The following AEBP2 variants were observed in gnomAD, a reference collection of about 807,000 sequenced individuals.
The protein encoded by AEBP2 is zinc finger protein AEBP2.
A neutral mutation model predicts 50.8 loss-of-function variants in AEBP2; 10 were observed. The observed-to-expected ratio is 0.20, with a 90% CI of 0.12 to 0.33. The LOEUF is 0.33. AEBP2 is among the 10% of genes least tolerant of loss of function. The probability of loss-of-function intolerance (pLI) is 1.00; values close to 1 mark genes in which losing one functional copy is unlikely to be tolerated. For synonymous variants in AEBP2, 296 were observed against 261.3 expected, an observed-to-expected ratio of 1.13 and a Z score of -1.28; for missense variants, 570 against 688.0, an observed-to-expected ratio of 0.83 and a Z score of 1.92.
rs577774181 is a variant in AEBP2 at position 19,469,056 on chromosome 12, C to T, written c.880-4192C>T. Among the ~76,000 whole-genome samples, 6 of 152,306 alleles carry T rather than the reference C, an allele frequency of 3.9e-5. No homozygotes were observed. In the South Asian group the frequency reaches 1.2e-3, roughly 32 times the overall value. ...CCTCCTCCCTCAGCCTCCCAAGTAG[C>T]TGGGATTACAGGCGTGTGTCATCAC... On this transcript the variant is annotated intron_variant, in intron 2 of 7. Transcript: ENST00000266508.
At chr12:19,512,114 T>C (rs1949241590) in intron 5 of AEBP2, among the ~76,000 whole-genome samples, 2 of 152,008 alleles carry the variant, frequency 1.3e-5, no homozygotes, top group African/African-American at 2.4e-5. Context: ...CGCCACCTCC[T>C]GGGTTCAAGT....
At chr12:19,427,194 T>C (rs1388321965) in intron 1 of AEBP2, among the ~76,000 whole-genome samples, 1 of 152,010 alleles carries the variant, frequency 6.6e-6, no homozygotes, top group East Asian at 1.9e-4. Flanking sequence ...CTTGCCAACA[T>C]GGTGAAACCC....
intron 5 of AEBP2, among the ~76,000 whole-genome samples, chr12:19,508,563 T>G (rs1949187917): frequency 6.6e-6 from 1 of 152,244 alleles, no homozygotes; most frequent in Admixed American, 6.5e-5. Flanking sequence ...TTGACGTTAT[T>G]GTTTTGCCTG....
intron 1 of AEBP2, among the ~76,000 whole-genome samples, chr12:19,457,813 C>A (rs1376888866): frequency 6.6e-6 from 1 of 152,120 alleles, no homozygotes; most frequent in African/African-American, 2.4e-5. Context: ...CAGGACCTAC[C>A]CTAAACCTGC....
intron 7 of AEBP2, among the ~76,000 whole-genome samples, chr12:19,516,984 G>T (rs1042661757): frequency 2.6e-5 from 4 of 152,100 alleles, no homozygotes; most frequent in African/African-American, 7.2e-5. Flanking sequence ...CCGAGATCAC[G>T]TCCTACACTC....
chr12:19,464,942 AC>A (rs1164622397), intron 2 of AEBP2, among the ~76,000 whole-genome samples: 2 of 152,060 alleles, frequency 1.3e-5, no homozygotes, highest in Non-Finnish European at 2.9e-5. Context: ...GTAATTATAT[AC>A]CTGTACCTTA....
chr12:19,464,260 G>A (rs1480740985), intron 2 of AEBP2, among the ~76,000 whole-genome samples: 1 of 152,168 alleles, frequency 6.6e-6, no homozygotes, highest in Non-Finnish European at 1.5e-5. Flanking sequence ...AAGTATCTTA[G>A]CAAGTTGGTT....
At chr12:19,497,328 GTTTTTTTTTTT>G (rs34011915) in intron 4 of AEBP2, among the ~76,000 whole-genome samples, 2 of 78,710 alleles carry the variant, frequency 2.5e-5, no homozygotes, top group Non-Finnish European at 4.4e-5. Context: ...TTCCAAAGGT[GTTTTTTTTTTT>G]TTTTTTTTTT....
chr12:19,438,901 A>G (rs1037171244), upstream of AEBP2, among the ~76,000 whole-genome samples: 1 of 152,220 alleles, frequency 6.6e-6, no homozygotes, highest in Non-Finnish European at 1.5e-5. Context: ...GACAGATGAA[A>G]TATTTATAAG....
At chr12:19,435,954 G>A (rs534048690), upstream of AEBP2, among the ~76,000 whole-genome samples, 2 of 152,116 alleles carry the variant, frequency 1.3e-5, no homozygotes, top group Non-Finnish European at 1.5e-5. Context: ...ACAGCGACTC[G>A]CATCGTGAAT....
chr12:19,457,933 T>G (rs189055669), intron 1 of AEBP2, among the ~76,000 whole-genome samples: 1 of 152,306 alleles, frequency 6.6e-6, no homozygotes, highest in East Asian at 1.9e-4. Flanking sequence ...ATCTGCATAG[T>G]GTGAGTGTAT....
At chr12:19,504,231 G>A (rs1949122869) in intron 5 of AEBP2, among the ~76,000 whole-genome samples, 1 of 150,284 alleles carries the variant, frequency 6.7e-6, no homozygotes, top group Non-Finnish European at 1.5e-5. Flanking sequence ...TTGTGATCTA[G>A]TATAGTTGTA....
chr12:19,454,638 TAA>T (rs748323018), intron 1 of AEBP2, among the ~76,000 whole-genome samples: 12 of 152,322 alleles, frequency 7.9e-5, no homozygotes, highest in Non-Finnish European at 1.8e-4. Context: ...TTATATACTC[TAA>T]ATCCTTCAAG....
At chr12:19,495,226 T>A (rs1289302831) in intron 4 of AEBP2, among the ~76,000 whole-genome samples, 2 of 152,138 alleles carry the variant, frequency 1.3e-5, no homozygotes, top group African/African-American at 4.8e-5. Context: ...TAACTACATA[T>A]CCTCAATGAA....
At chr12:19,480,829 A>G (rs1231333486) in intron 3 of AEBP2, among the ~76,000 whole-genome samples, 1 of 152,046 alleles carries the variant, frequency 6.6e-6, no homozygotes, top group Non-Finnish European at 1.5e-5. Context: ...TTGGGTGTCT[A>G]CCTCTTTAGC....
At chr12:19,464,322 G>A (rs938834512) in intron 2 of AEBP2, among the ~76,000 whole-genome samples, 1 of 152,026 alleles carries the variant, frequency 6.6e-6, no homozygotes, top group South Asian at 2.1e-4. Flanking sequence ...ATGTCACTTG[G>A]TATATACCAT....
At position 19,439,815 on chromosome 12, in the gene AEBP2, A is replaced by G; in HGVS notation, c.116A>G (p.Glu39Gly). ...ARGRAEPPEE[E>G]EEEEEEEEEA... ...GGCCGGGCTGAGCCCCCCGAGGAGG[A>G]GGAGGAAGAGGAGGAGGAGGAAGAG... The change falls in exon 1 of 8, where the codon GAG becomes GGG. Residue 39 changes from glutamate (E) to glycine (G), a missense_variant. Glu to Gly is a moderately conservative substitution (Grantham distance 98, BLOSUM62 -2). This residue lies in a region of AEBP2 where 386 missense variants were observed against 336.8 expected (regional missense o/e 1.15). Coordinates refer to ENST00000266508, the MANE Select transcript of AEBP2 (RefSeq NM_153207.5). 6.6e-6 allele frequency: 10 copies of G among 1,505,736 alleles called. No homozygotes were observed. Among genetic ancestry groups the G allele is most frequent in the Non-Finnish European group, 7.9e-6 (9 of 1,134,688 alleles). The allele number at this position is 1,505,736 out of a possible 1,614,324, so 93.3% of individuals were successfully genotyped here. A position where few individuals can be genotyped will look rare whatever the true frequency, so the allele number is the denominator to read the frequency against.
chr12:19,439,774 G>A lies in AEBP2; in HGVS notation c.75G>A (p.Pro25=), dbSNP rs1449332808. The A allele has an allele frequency of 2.0e-6, 3 of 1,516,546 alleles. No individual in the cohort carries two copies. Among genetic ancestry groups the A allele is most frequent in the East Asian group, 5.3e-5 (2 of 37,698 alleles). 93.9% of individuals were successfully genotyped at this position (1,516,546 alleles called of 1,614,324 possible). ...TGAGCCCTCTGCCCCCCGGCAGCCCGGGTTCGGCGGCGCGGGGCCGGGCTG... is the reference window on the plus strand; with the variant it reads ...TGAGCCCTCTGCCCCCCGGCAGCCCAGGTTCGGCGGCGCGGGGCCGGGCTG... The part of the protein sequence containing the change: ...SRLSPLPPGS[P]GSAARGRAEP... Residue 25 remains proline (P), a synonymous_variant, in exon 1 of 8, where the codon CCG becomes CCA. Transcript: ENST00000266508.
At chr12:19,483,539 C>G (rs774010146) in intron 3 of AEBP2, among the ~76,000 whole-genome samples, 4 of 152,134 alleles carry the variant, frequency 2.6e-5, no homozygotes, top group Non-Finnish European at 5.9e-5. Context: ...AGCAAAAGTT[C>G]ACGGTGCGAG....
Sources: allele counts gnomAD v4.1 joint callset (sites outside exome capture counted in the v4.1 genomes callset), GRCh38; gene constraint gnomAD v4.1.1; regional missense constraint gnomAD v4.1.1; transcripts MANE v1.5; gene names NCBI Gene and HGNC (gene_info 2026-07-23, HGNC 2026-07-21).